The following CLDN16 variants were observed in gnomAD, a reference collection of about 807,000 sequenced individuals.
CLDN16 encodes claudin 16.
CLDN16 carries 13 observed loss-of-function variants against 24.6 expected under a neutral mutation model. The observed-to-expected ratio is 0.53, with a 90% CI of 0.34 to 0.84. The LOEUF is 0.84. CLDN16 is among the 40% of genes least tolerant of loss of function. The pLI is 0.01. For missense variants in CLDN16, 298 were observed against 292.7 expected (o/e 1.02, Z -0.13); for synonymous variants, 116 against 106.7 (o/e 1.09, Z -0.54).
upstream of CLDN16, among the ~76,000 whole-genome samples, chr3:190,320,169 A>C (rs768691696): frequency 6.6e-6 from 1 of 152,268 alleles, no homozygotes; most frequent in Non-Finnish European, 1.5e-5. Flanking sequence ...ACACATTATC[A>C]TGTGTAAGGA....
At chr3:190,296,722 TG>T in the CLDN16 span, among the ~76,000 whole-genome samples, 4 of 151,730 alleles carry the variant, frequency 2.6e-5, no homozygotes, top group Non-Finnish European at 2.9e-5. Flanking sequence ...GCTAATTTTT[TG>T]TATTTTTAGT....
At chr3:190,312,990 C>T in the CLDN16 span, 281 of 1,614,048 alleles carry the variant, frequency 1.7e-4, no homozygotes, top group Non-Finnish European at 2.3e-4. Context: ...CTATCACTCC[C>T]AGGAGGATGC....
chr3:190,344,178 T>C lies in CLDN16; in HGVS notation n.121+21517T>C, dbSNP rs148944586. On this transcript the variant is annotated intron_variant and non_coding_transcript_variant, in intron 1 of 4. Coordinates refer to the CLDN16 transcript ENST00000468220. ...TGAAAGCACGTATGAAGAATAGCCA[T>C]CATTATAAAACACAGAGCTTCCAAA... Among the ~76,000 whole-genome samples the C allele has an allele frequency of 3.0e-3, 463 of 152,158 alleles. 4 individuals are homozygous for C. The highest frequency in any genetic ancestry group is 0.011 in the African/African-American group (445 of 41,538).
intron 1 of CLDN16, among the ~76,000 whole-genome samples, chr3:190,344,510 A>G (rs1717508971): frequency 6.6e-6 from 1 of 151,864 alleles, no homozygotes; most frequent in Non-Finnish European, 1.5e-5. Context: ...AATTATACAT[A>G]GTACATACTG....
chr3:190,391,302 T>C (rs1384782334), intron 1 of CLDN16, among the ~76,000 whole-genome samples: 1 of 150,928 alleles, frequency 6.6e-6, no homozygotes, highest in Non-Finnish European at 1.5e-5. Context: ...ATATATACAA[T>C]TATATCATAT....
upstream of CLDN16, among the ~76,000 whole-genome samples, chr3:190,383,153 C>G (rs946316993): frequency 6.6e-6 from 1 of 152,090 alleles, no homozygotes; most frequent in Non-Finnish European, 1.5e-5. Flanking sequence ...GACCAGCTAT[C>G]TCTCTCCCTT....
At chr3:190,384,594 A>C (rs1235706860), upstream of CLDN16, among the ~76,000 whole-genome samples, 1 of 152,184 alleles carries the variant, frequency 6.6e-6, no homozygotes, top group Non-Finnish European at 1.5e-5. Flanking sequence ...TTGGTCTTAG[A>C]GATCTTGCAA....
chr3:190,373,842 TTA>T (rs1491447150), intron 2 of CLDN16, among the ~76,000 whole-genome samples: 6 of 53,370 alleles, frequency 1.1e-4, no homozygotes, highest in African/African-American at 4.9e-4. Flanking sequence ...TGTGCCCATA[TTA>T]AAAAAAAAAA....
At chr3:190,373,349 C>A (rs1271254577) in intron 2 of CLDN16, among the ~76,000 whole-genome samples, 1 of 152,032 alleles carries the variant, frequency 6.6e-6, no homozygotes, top group South Asian at 2.1e-4. Context: ...TTACTTTACA[C>A]CTACGACCAC....
At chr3:190,388,667 G>A (rs967604983) in intron 1 of CLDN16, among the ~76,000 whole-genome samples, 10 of 152,100 alleles carry the variant, frequency 6.6e-5, no homozygotes, top group African/African-American at 1.9e-4. Context: ...TTACTAAATA[G>A]TTCCTCCTTT....
intron 1 of CLDN16, among the ~76,000 whole-genome samples, chr3:190,365,965 C>G: frequency 6.6e-6 from 1 of 151,840 alleles, no homozygotes; most frequent in East Asian, 2.0e-4. Flanking sequence ...GAGCACTAGT[C>G]TTTAACTTGA....
Position 190,410,165 on chromosome 3 carries a change from C to A in CLDN16, c.*129C>A. On this transcript the variant is annotated 3_prime_UTR_variant, in exon 5 of 5. Coordinates refer to ENST00000264734, the MANE Select transcript of CLDN16 (RefSeq NM_006580.4). ...GAATTAAATTAATTGCTAGCTTAATCAAAATGTTTGATTCTCCTATACTTT... is the reference window on the plus strand; with the variant it reads ...GAATTAAATTAATTGCTAGCTTAATAAAAATGTTTGATTCTCCTATACTTT... 9.1e-7 allele frequency: 1 copy of A among 1,099,616 alleles called. No individual in the cohort carries two copies. The highest frequency in any genetic ancestry group is 1.4e-6 in the Non-Finnish European group (1 of 732,512). 68.1% of individuals were successfully genotyped at this position (1,099,616 alleles called of 1,614,324 possible). A position where few individuals can be genotyped will look rare whatever the true frequency, so the allele number is the denominator to read the frequency against.
chr3:190,347,556 T>C (rs1328905667), intron 1 of CLDN16, among the ~76,000 whole-genome samples: 1 of 152,220 alleles, frequency 6.6e-6, no homozygotes, highest in Non-Finnish European at 1.5e-5. Flanking sequence ...TGTCAATTAT[T>C]ATCTTAGGTA....
At chr3:190,313,728 G>C in the CLDN16 span, among the ~76,000 whole-genome samples, 7 of 152,138 alleles carry the variant, frequency 4.6e-5, no homozygotes, top group African/African-American at 1.7e-4. Flanking sequence ...AACTATTTAA[G>C]CTGCCATGTT....
At position 190,411,391 on chromosome 3, in the gene CLDN16, AT is replaced by A. The variant is rs1719283630; in HGVS notation, c.*1362del. 6.6e-6 allele frequency: 1 copy of A among 152,174 alleles called. No homozygotes were observed. The highest frequency in any genetic ancestry group is 6.6e-5 in the Admixed American group (1 of 15,266). 9.4% of individuals were successfully genotyped at this position (152,174 alleles called of 1,614,324 possible). A position where few individuals can be genotyped will look rare whatever the true frequency, so the allele number is the denominator to read the frequency against. On this transcript the variant is annotated 3_prime_UTR_variant, in exon 5 of 5. Transcript: ENST00000264734. ...CATATTCATAATGTAACCATCTTGA[AT>A]TTTTTTAATTGTAGCGATTTTAAAA...
chr3:190,402,653 G>A (rs1718994250), intron 2 of CLDN16, among the ~76,000 whole-genome samples: 1 of 152,034 alleles, frequency 6.6e-6, no homozygotes, highest in African/African-American at 2.4e-5. Context: ...ATTCATTGAG[G>A]GAAAAATATT....
At chr3:190,305,808 TAGA>T in the CLDN16 span, 2 of 152,194 alleles carry the variant, frequency 1.3e-5, no homozygotes, top group Non-Finnish European at 2.9e-5. Flanking sequence ...CCAGGTGTGG[TAGA>T]AGAATATAAA....
At chr3:190,342,776 C>A (rs79023438) in intron 1 of CLDN16, among the ~76,000 whole-genome samples, 5,952 of 152,122 alleles carry the variant, frequency 0.039, 388 homozygotes, top group African/African-American at 0.13. Flanking sequence ...AAAAGAAATA[C>A]ATTGGACCCT....
chr3:190,361,461 A>G (rs1393911612), intron 1 of CLDN16, among the ~76,000 whole-genome samples: 1 of 151,962 alleles, frequency 6.6e-6, no homozygotes, highest in East Asian at 1.9e-4. Context: ...AACAAAATTG[A>G]TAATAGCCCT....
Sources: allele counts gnomAD v4.1 joint callset (sites outside exome capture counted in the v4.1 genomes callset), GRCh38; gene constraint gnomAD v4.1.1; transcripts MANE v1.5; gene names NCBI Gene and HGNC (gene_info 2026-07-23, HGNC 2026-07-21).